MARCHF1: variants seen among roughly 807,000 people sequenced by gnomAD.
MARCHF1 encodes E3 ubiquitin-protein ligase MARCHF1.
Under a neutral mutation model 54.2 loss-of-function variants are expected in MARCHF1, and 40 were observed. The ratio of observed to expected loss-of-function variants is 0.74; its 90% CI spans 0.57 to 0.96. The LOEUF is 0.96. Among genes scored for constraint, MARCHF1 ranks in the 40% least tolerant of loss-of-function variants. The pLI, the probability that MARCHF1 is intolerant of heterozygous loss-of-function variation, is 0.00. For synonymous variants in MARCHF1, 236 were observed against 236.3 expected (o/e 1.00, Z 0.01); for missense variants, 586 against 656.5 (o/e 0.89, Z 1.17).
At chr4:163,718,871 T>A (rs943478611) in intron 4 of MARCHF1, among the ~76,000 whole-genome samples, 2 of 152,200 alleles carry the variant, frequency 1.3e-5, no homozygotes, top group African/African-American at 4.8e-5. Context: ...GCCGTAGGTG[T>A]TAGCATCTGC....
At chr4:163,710,304 G>A (rs1231878105) in intron 4 of MARCHF1, among the ~76,000 whole-genome samples, 2 of 152,114 alleles carry the variant, frequency 1.3e-5, no homozygotes, top group Non-Finnish European at 2.9e-5. Flanking sequence ...TTAAGTTGGT[G>A]TGAAATAATT....
chr4:163,941,036 A>T (rs1279522024), intron 3 of MARCHF1, among the ~76,000 whole-genome samples: 1 of 152,108 alleles, frequency 6.6e-6, no homozygotes, highest in East Asian at 1.9e-4. Context: ...CTAGCTAAAG[A>T]CAAAATAATA....
intron 3 of MARCHF1, among the ~76,000 whole-genome samples, chr4:163,929,395 C>A (rs965064122): frequency 2.6e-5 from 4 of 151,984 alleles, no homozygotes; most frequent in African/African-American, 9.6e-5. Context: ...AGGTTAGCTA[C>A]TAATTTTTAT....
chr4:164,124,858 G>C (rs1756147174), intron 1 of MARCHF1, among the ~76,000 whole-genome samples: 1 of 151,978 alleles, frequency 6.6e-6, no homozygotes, highest in Admixed American at 6.6e-5. Context: ...GAATGAATAA[G>C]ACCTACTATT....
At chr4:163,713,934 C>T (rs758666171) in intron 4 of MARCHF1, among the ~76,000 whole-genome samples, 3 of 152,216 alleles carry the variant, frequency 2.0e-5, no homozygotes, top group Middle Eastern at 3.4e-3. Flanking sequence ...GAAATGAAGA[C>T]ATGAAAGAAC....
intron 5 of MARCHF1, among the ~76,000 whole-genome samples, chr4:163,657,057 G>T (rs182910136): frequency 1.3e-5 from 2 of 152,026 alleles, no homozygotes; most frequent in Admixed American, 6.6e-5. Context: ...TCTAGCCAGG[G>T]CAATCAGGCA....
At position 164,128,645 on chromosome 4, in the gene MARCHF1, G is replaced by A. The variant is rs994295685; in HGVS notation, c.-322-16983C>T. On this transcript the variant is annotated intron_variant, in intron 1 of 9. Coordinates refer to ENST00000514618, the MANE Select transcript of MARCHF1 (RefSeq NM_001394959.1). The stretch of plus-strand genomic sequence containing the variant: ...ATATTGGCAAGTTTTATGTTGTAAG[G>A]AAACAATGTTTATATACACATATAT... Among the ~76,000 whole-genome samples, 11 of 152,072 alleles carry A rather than the reference G, an allele frequency of 7.2e-5. No individual in the cohort carries two copies. In the East Asian group the frequency reaches 2.1e-3, roughly 29 times the overall value.
chr4:163,747,178 T>G (rs1205036288), intron 4 of MARCHF1, among the ~76,000 whole-genome samples: 1 of 152,236 alleles, frequency 6.6e-6, no homozygotes, highest in Middle Eastern at 3.2e-3. Flanking sequence ...AAATTGTCTT[T>G]CACAAACCAT....
At chr4:163,919,664 G>A (rs1751382191) in intron 3 of MARCHF1, among the ~76,000 whole-genome samples, 1 of 151,924 alleles carries the variant, frequency 6.6e-6, no homozygotes, top group African/African-American at 2.4e-5. Context: ...TCACATTAAT[G>A]AATTGTACAT....
At chr4:164,201,195 A>G (rs960428537) in intron 1 of MARCHF1, among the ~76,000 whole-genome samples, 38 of 135,930 alleles carry the variant, frequency 2.8e-4, no homozygotes, top group African/African-American at 1.1e-3. Context: ...TGTTTTACAG[A>G]CATGTTTTAC....
chr4:163,616,449 G>C (rs1741512540), intron 5 of MARCHF1, among the ~76,000 whole-genome samples: 1 of 152,048 alleles, frequency 6.6e-6, no homozygotes, highest in Non-Finnish European at 1.5e-5. Context: ...AAAATGATTT[G>C]AATAGACATT....
intron 2 of MARCHF1, among the ~76,000 whole-genome samples, chr4:164,061,056 T>C (rs1225802480): frequency 6.6e-6 from 1 of 152,148 alleles, no homozygotes; most frequent in Non-Finnish European, 1.5e-5. Context: ...CTCTTTTTTA[T>C]CCATACGATT....
chr4:163,955,396 TCTCA>T (rs1487771900), intron 3 of MARCHF1, among the ~76,000 whole-genome samples: 1 of 146,830 alleles, frequency 6.8e-6, no homozygotes, highest in Non-Finnish European at 1.5e-5. Flanking sequence ...CTTTAATGAC[TCTCA>T]CTGCCTGTAA....
At chr4:163,949,313 A>T (rs530015112) in intron 3 of MARCHF1, among the ~76,000 whole-genome samples, 1 of 152,284 alleles carries the variant, frequency 6.6e-6, no homozygotes, top group Non-Finnish European at 1.5e-5. Context: ...CACGGCTGGT[A>T]CTGGGAACAC....
chr4:163,817,310 T>C (rs558579904), intron 4 of MARCHF1, among the ~76,000 whole-genome samples: 6 of 150,210 alleles, frequency 4.0e-5, no homozygotes, highest in East Asian at 2.0e-4. Flanking sequence ...TACATACATA[T>C]ATATGTACAT....
intron 3 of MARCHF1, among the ~76,000 whole-genome samples, chr4:163,914,577 T>C (rs779405252): frequency 5.9e-5 from 9 of 152,116 alleles, no homozygotes; most frequent in Non-Finnish European, 1.3e-4. Context: ...GTGATAAATA[T>C]ATCAGATGGC....
intron 5 of MARCHF1, among the ~76,000 whole-genome samples, chr4:163,645,694 A>G (rs1579152629): frequency 1.3e-5 from 2 of 152,342 alleles, no homozygotes; most frequent in East Asian, 3.9e-4. Flanking sequence ...AGACAGAAGT[A>G]AAAAACTCAA....
intron 4 of MARCHF1, among the ~76,000 whole-genome samples, chr4:163,796,834 C>T (rs1747932041): frequency 2.6e-5 from 4 of 152,078 alleles, no homozygotes; most frequent in Non-Finnish European, 5.9e-5. Context: ...TCAAAATACT[C>T]ACCCTCATCC....
intron 2 of MARCHF1, among the ~76,000 whole-genome samples, chr4:164,009,944 C>T (rs1019853933): frequency 9.4e-5 from 14 of 149,090 alleles, no homozygotes; most frequent in Non-Finnish European, 1.2e-4. Flanking sequence ...CTGGACAGAG[C>T]AATTAGGCAA....
Sources: allele counts gnomAD v4.1 joint callset (sites outside exome capture counted in the v4.1 genomes callset), GRCh38; gene constraint gnomAD v4.1.1; transcripts MANE v1.5; gene names NCBI Gene and HGNC (gene_info 2026-07-23, HGNC 2026-07-21).